Variants in LIN7C observed in about 807,000 individuals in gnomAD.
LIN7C encodes protein lin-7 homolog C.
In LIN7C, 17 loss-of-function variants were observed where a neutral mutation model predicts 24.7. The ratio of observed to expected loss-of-function variants is 0.69; its 90% CI spans 0.47 to 1.03. The LOEUF (loss-of-function observed/expected upper bound fraction) is 1.03, where lower values mean the gene tolerates loss of function less well. Ranked by LOEUF, LIN7C falls within the 50% of genes least tolerant of loss-of-function variation. The pLI, the probability that LIN7C is intolerant of heterozygous loss-of-function variation, is 0.00. For missense variants in LIN7C, 204 were observed against 239.0 expected (o/e 0.85, Z 0.97); for synonymous variants, 90 against 83.4 (o/e 1.08, Z -0.43).
In LIN7C at chr11:27,499,574, A is replaced by G. The variant is rs1330550158; in HGVS notation, c.229-6T>C. 6.2e-7 allele frequency: 1 copy of G among 1,611,674 alleles called. No individual in the cohort carries two copies. Among genetic ancestry groups the G allele is most frequent in the African/African-American group, 1.3e-5 (1 of 74,834 alleles). On this transcript the variant is annotated splice_region_variant and splice_polypyrimidine_tract_variant and intron_variant, in intron 3 of 4. Coordinates refer to ENST00000278193, the MANE Select transcript of LIN7C (RefSeq NM_018362.4). Reference sequence around the variant, plus strand: ...GCAAATGCAGCAACAGTAGCCTGAAAGAAAGTTTTACATATTAAAAATATG... The same window carrying G: ...GCAAATGCAGCAACAGTAGCCTGAAGGAAAGTTTTACATATTAAAAATATG...
chr11:27,501,617 T>TGAAGTAAAAATTTCAGGC, intron 2 of LIN7C, 51 bp from the exon 3 acceptor site: 1 of 1,021,542 alleles, frequency 9.8e-7, no homozygotes, highest in Non-Finnish European at 1.5e-6. Context: ...GAGTTCTCTG[T>TGAAGTAAAAATTTCAGGC]GAAGTTAAAA....
chr11:27,506,738 C>T lies in LIN7C; in HGVS notation c.15G>A (p.Gly5=), dbSNP rs1318713559. The stretch of plus-strand genomic sequence containing the variant: ...CACCTCTCTCCAGCCGCACGGGTTC[C>T]CCTAGCGCCGCCATCTTCTCCCTTA... MAAL[G]EPVRLERDIC... The change falls in exon 1 of 5, where the codon GGG becomes GGA. Residue 5 remains glycine, a synonymous_variant. Transcript: ENST00000278193. 36 of 1,613,988 alleles carry T rather than the reference C, an allele frequency of 2.2e-5. No homozygotes were observed. Among genetic ancestry groups the T allele is most frequent in the South Asian group, 6.6e-5 (6 of 91,076 alleles).
At position 27,494,571 on chromosome 11, in the gene LIN7C, G is replaced by A. The variant is rs1368763979; in HGVS notation, c.*4078C>T. 6.6e-6 allele frequency: 1 copy of A among 151,984 alleles called. No individual in the cohort carries two copies. The highest frequency in any genetic ancestry group is 1.5e-5 in the Non-Finnish European group (1 of 67,996). The allele number at this position is 151,984 out of a possible 1,614,324, so 9.4% of individuals were successfully genotyped here. ...AACTTTTTTCAAATCCAAAGAACGA[G>A]GACATAACTCATACAAATTTATTTT... On this transcript the variant is annotated 3_prime_UTR_variant, in exon 5 of 5. Coordinates refer to ENST00000278193, the MANE Select transcript of LIN7C (RefSeq NM_018362.4).
chr11:27,502,417 A>G (rs1865234834), intron 1 of LIN7C, among the ~76,000 whole-genome samples: 1 of 152,224 alleles, frequency 6.6e-6, no homozygotes, highest in African/African-American at 2.4e-5. Flanking sequence ...CATGATACAT[A>G]GGTAGATAAC....
Position 27,499,557 on chromosome 11 carries a change from A to T in LIN7C, c.240T>A (p.Ala80=), listed in dbSNP as rs1398158266. 1.2e-6 allele frequency: 2 copies of T among 1,614,104 alleles called. No homozygotes were observed. Among genetic ancestry groups the T allele is most frequent in the Admixed American group, 3.3e-5 (2 of 60,002 alleles). The change falls in exon 4 of 5, where the codon GCT becomes GCA. Residue 80 remains alanine, a synonymous_variant. Coordinates refer to ENST00000278193, the MANE Select transcript of LIN7C (RefSeq NM_018362.4). ...RANATAKATV[A]AFAASEGHSH... is the part of the protein sequence containing the mutation. The stretch of plus-strand genomic sequence containing the variant: ...AATGTCCTTCACTGGCAGCAAATGC[A>T]GCAACAGTAGCCTGAAAGAAAGTTT...
chr11:27,501,869 A>G lies in LIN7C; in HGVS notation c.89T>C (p.Val30Ala). 1.2e-6 allele frequency: 2 copies of G among 1,612,844 alleles called. No individual in the cohort carries two copies. The highest frequency in any genetic ancestry group is 1.7e-6 in the Non-Finnish European group (2 of 1,178,838). The change falls in exon 2 of 5, where the codon GTA becomes GCA. Residue 30 changes from valine to alanine, a missense_variant. This residue lies in a region of LIN7C where 126 missense variants were observed against 117.8 expected (regional missense o/e 1.07). Transcript: ENST00000278193. ...CAAAGCCTGAAGTTTCTGTGGTGGT[A>G]CTTCTCCACTCCTTTGTAGTTTTTC... ...LLEKLQRSGE[V>A]PPQKLQALQR...
At position 27,500,653 on chromosome 11, in the gene LIN7C, G is replaced by A. The variant is rs1033469482; in HGVS notation, c.228+842C>T. Among the ~76,000 whole-genome samples the A allele has an allele frequency of 4.6e-5, 7 of 151,012 alleles. No individual in the cohort carries two copies. The South Asian group carries it at 6.2e-4, about 13-fold the overall frequency. ...AGAAATCAAGATTTACTGAACACCCGTTATCTTTGAAGAAATCAAGATTTA... is the reference window on the plus strand; with the variant it reads ...AGAAATCAAGATTTACTGAACACCCATTATCTTTGAAGAAATCAAGATTTA... On this transcript the variant is annotated intron_variant, in intron 3 of 4. Transcript: ENST00000278193.
At position 27,506,744 on chromosome 11, in the gene LIN7C, C is replaced by A. The variant is rs747527609; in HGVS notation, c.9G>T (p.Ala3=). 2 of 1,614,106 alleles carry A rather than the reference C, an allele frequency of 1.2e-6. No homozygotes were observed. Among genetic ancestry groups the A allele is most frequent in the East Asian group, 2.2e-5 (1 of 44,844 alleles). The part of the protein sequence containing the change: MA[A]LGEPVRLERD... Reference sequence around the variant, plus strand: ...TCTCCAGCCGCACGGGTTCCCCTAGCGCCGCCATCTTCTCCCTTAACCTAC... The same window carrying A: ...TCTCCAGCCGCACGGGTTCCCCTAGAGCCGCCATCTTCTCCCTTAACCTAC... The change falls in exon 1 of 5, where the codon GCG becomes GCT. Residue 3 remains alanine (A), a synonymous_variant. Coordinates refer to ENST00000278193, the MANE Select transcript of LIN7C (RefSeq NM_018362.4).
chr11:27,494,967 T>C lies in LIN7C; in HGVS notation c.*3682A>G, dbSNP rs188323101. 11 of 152,766 alleles carry C rather than the reference T, an allele frequency of 7.2e-5. No homozygotes were observed. Among genetic ancestry groups the C allele is most frequent in the African/African-American group, 2.2e-4 (9 of 41,584 alleles). The allele number at this position is 152,766 out of a possible 1,614,324, so 9.5% of individuals were successfully genotyped here. ...TTGATATTTCAATGATCATTCCACA[T>C]TATAAAATATTCACAAACATGTAGT... On this transcript the variant is annotated 3_prime_UTR_variant, in exon 5 of 5. Coordinates refer to ENST00000278193, the MANE Select transcript of LIN7C (RefSeq NM_018362.4).
chr11:27,499,326 A>G (rs775350445), intron 4 of LIN7C, 33 bp downstream of exon 4: 1 of 1,585,792 alleles, frequency 6.3e-7, no homozygotes, highest in African/African-American at 1.3e-5. Flanking sequence ...GTCACAACAG[A>G]TCACTACAAA....
rs3794197 is a variant in LIN7C at position 27,505,592 on chromosome 11, G to C, written c.37+1124C>G. Reference sequence around the variant, plus strand: ...AGTGAGGCTTCCAAATGGTGAACACGGTAAAGAGCAAATCAGCAACATTAA... The same window carrying C: ...AGTGAGGCTTCCAAATGGTGAACACCGTAAAGAGCAAATCAGCAACATTAA... On this transcript the variant is annotated intron_variant, in intron 1 of 4. Coordinates refer to ENST00000278193, the MANE Select transcript of LIN7C (RefSeq NM_018362.4). Among the ~76,000 whole-genome samples the C allele has an allele frequency of 5.6e-4, 85 of 152,254 alleles. 1 individual carries two copies. In the East Asian group the frequency reaches 0.016, roughly 28 times the overall value.
In LIN7C at chr11:27,497,621, A is replaced by G. The variant is rs1865184752; in HGVS notation, c.*1028T>C. 1 of 152,436 alleles carries G rather than the reference A, an allele frequency of 6.6e-6. No homozygotes were observed. Among genetic ancestry groups the G allele is most frequent in the Non-Finnish European group, 1.5e-5 (1 of 67,960 alleles). 9.4% of individuals were successfully genotyped at this position (152,436 alleles called of 1,614,324 possible). On this transcript the variant is annotated 3_prime_UTR_variant, in exon 5 of 5. Coordinates refer to ENST00000278193, the MANE Select transcript of LIN7C (RefSeq NM_018362.4). ...ATCATAATTTCTATGTATCTTAAAT[A>G]TATCCTCTTTTCTTCCTATTTAAAA...
chr11:27,503,715 T>C lies in LIN7C; in HGVS notation c.38-1795A>G, dbSNP rs934715038. On this transcript the variant is annotated intron_variant, in intron 1 of 4. Coordinates refer to ENST00000278193, the MANE Select transcript of LIN7C (RefSeq NM_018362.4). ...TTTTAGTAGAGACAGGGTTTCACCC[T>C]GTTGGTCAGGCTGGCCTCAAACTCC... Among the ~76,000 whole-genome samples, 2 of 152,202 alleles carry C rather than the reference T, an allele frequency of 1.3e-5. 1 individual carries two copies. The highest frequency in any genetic ancestry group is 4.1e-4 in the South Asian group (2 of 4,832).
chr11:27,503,171 T>A (rs1392362854), intron 1 of LIN7C, among the ~76,000 whole-genome samples: 1 of 152,118 alleles, frequency 6.6e-6, no homozygotes, highest in Non-Finnish European at 1.5e-5. Flanking sequence ...CCTAAGAGGT[T>A]GTATACATTT....
intron 1 of LIN7C, among the ~76,000 whole-genome samples, chr11:27,504,392 A>G (rs1168168409): frequency 6.6e-6 from 1 of 152,218 alleles, no homozygotes. Flanking sequence ...GTTTCATTAA[A>G]TCATAGTTTG....
At position 27,495,812 on chromosome 11, in the gene LIN7C, T is replaced by C. The variant is rs935493419; in HGVS notation, c.*2837A>G. 2.6e-5 allele frequency: 4 copies of C among 152,022 alleles called. No homozygotes were observed. Among genetic ancestry groups the C allele is most frequent in the Non-Finnish European group, 5.9e-5 (4 of 68,004 alleles). 9.4% of individuals were successfully genotyped at this position (152,022 alleles called of 1,614,324 possible). A position where few individuals can be genotyped will look rare whatever the true frequency, so the allele number is the denominator to read the frequency against. On this transcript the variant is annotated 3_prime_UTR_variant, in exon 5 of 5. Coordinates refer to ENST00000278193, the MANE Select transcript of LIN7C (RefSeq NM_018362.4). ...AATAAGGAATGCCAAGTACCTTTTA[T>C]TCCTAAAAGAAATTACTTGGCCAGG...
At position 27,494,747 on chromosome 11, in the gene LIN7C, G is replaced by A. The variant is rs1865146382; in HGVS notation, c.*3902C>T. ...TAAAAAACCGAGTCAATACAAATTA[G>A]TCTCAAAGTTCTTGAAAATTAATAA... is the stretch of plus-strand genomic sequence containing the variant. On this transcript the variant is annotated 3_prime_UTR_variant, in exon 5 of 5. Coordinates refer to ENST00000278193, the MANE Select transcript of LIN7C (RefSeq NM_018362.4). 1 of 152,176 alleles carries A rather than the reference G, an allele frequency of 6.6e-6. No individual in the cohort carries two copies. The highest frequency in any genetic ancestry group is 2.4e-5 in the African/African-American group (1 of 41,438). The allele number at this position is 152,176 out of a possible 1,614,324, so 9.4% of individuals were successfully genotyped here.
At position 27,501,554 on chromosome 11, in the gene LIN7C, C is replaced by T; in HGVS notation, c.169G>A (p.Val57Ile). ...CNAVREVYEH[V>I]YETVDISSSP... is the part of the protein sequence containing the mutation. ...CTACTGATGTCCACAGTCTCATAGA[C>T]ATGTTCATATACCTGTAAAAGCCAA... is the stretch of plus-strand genomic sequence containing the variant. Residue 57 changes from valine to isoleucine, a missense_variant, in exon 3 of 5, where the codon GTC becomes ATC. Around this residue, in one of 3 missense-constraint regions of LIN7C, gnomAD observed 126 missense variants for 117.8 expected, o/e 1.07. Coordinates refer to ENST00000278193, the MANE Select transcript of LIN7C (RefSeq NM_018362.4). 6.3e-7 allele frequency: 1 copy of T among 1,592,680 alleles called. No individual in the cohort carries two copies. Among genetic ancestry groups the T allele is most frequent in the Middle Eastern group, 1.7e-4 (1 of 6,022 alleles).
In LIN7C at chr11:27,500,165, C is replaced by G. The variant is rs12798562; in HGVS notation, c.229-597G>C. Among the ~76,000 whole-genome samples the G allele has an allele frequency of 7.2e-5, 11 of 152,248 alleles. No homozygotes were observed. In the South Asian group the frequency reaches 1.9e-3, roughly 26 times the overall value. ...TCCTGTATGCGCAGGGCTTGGCAAG[C>G]AGACTTACTGGGCAGACTGATATTG... On this transcript the variant is annotated intron_variant, in intron 3 of 4. Transcript: ENST00000278193.
Sources: gnomAD v4.1 joint callset for allele counts (sites outside exome capture counted in the v4.1 genomes callset) on GRCh38, gnomAD v4.1.1 for gene constraint, gnomAD v4.1.1 regional missense constraint, MANE v1.5 for transcripts, NCBI Gene and HGNC (gene_info 2026-07-23, HGNC 2026-07-21) for gene names.